SAMMSON: variants seen among roughly 807,000 people sequenced by gnomAD.
The protein encoded by SAMMSON is survival associated mitochondrial melanoma specific oncogenic non-coding RNA.
chr3:70,199,385 A>G (rs1701212775), intron 4 of SAMMSON, among the ~76,000 whole-genome samples: 1 of 152,148 alleles, frequency 6.6e-6, no homozygotes, highest in African/African-American at 2.4e-5. Flanking sequence ...CAAAAGAAAA[A>G]AAAAAGTTTT....
At chr3:70,242,790 G>A (rs1322941103) in intron 4 of SAMMSON, among the ~76,000 whole-genome samples, 1 of 152,122 alleles carries the variant, frequency 6.6e-6, no homozygotes, top group African/African-American at 2.4e-5. Context: ...AGCTTGGAAA[G>A]TTTACACAAG....
intron 7 of SAMMSON, among the ~76,000 whole-genome samples, chr3:70,301,405 T>G (rs1365244537): frequency 6.6e-6 from 1 of 152,090 alleles, no homozygotes; most frequent in Non-Finnish European, 1.5e-5. Flanking sequence ...CTAAAGAGCT[T>G]GTGCTTATCT....
At chr3:70,343,456 G>T (rs184838835) in intron 7 of SAMMSON, among the ~76,000 whole-genome samples, 1 of 152,080 alleles carries the variant, frequency 6.6e-6, no homozygotes, top group Admixed American at 6.5e-5. Context: ...TTCTGGTTAG[G>T]TATTTTGTAG....
chr3:70,432,667 A>C (rs975290927), intron 2 of SAMMSON, among the ~76,000 whole-genome samples: 17 of 152,016 alleles, frequency 1.1e-4, no homozygotes, highest in Admixed American at 1.1e-3. Flanking sequence ...ATTATTGTTA[A>C]ATAAAGTTCA....
chr3:70,215,288 C>T (rs1231044743), intron 4 of SAMMSON, among the ~76,000 whole-genome samples: 1 of 152,042 alleles, frequency 6.6e-6, no homozygotes, highest in African/African-American at 2.4e-5. Flanking sequence ...AGTACTTGAA[C>T]TTACGTCTTC....
chr3:70,035,062 C>G (rs2067080301), intron 3 of SAMMSON, among the ~76,000 whole-genome samples: 1 of 151,980 alleles, frequency 6.6e-6, no homozygotes, highest in Admixed American at 6.6e-5. Context: ...CTCATAAAGC[C>G]CAAATTAGGA....
intron 3 of SAMMSON, among the ~76,000 whole-genome samples, chr3:70,042,961 G>A (rs1576106368): frequency 6.6e-6 from 1 of 152,028 alleles, no homozygotes; most frequent in South Asian, 2.1e-4. Flanking sequence ...GTACTCAATA[G>A]AATAGCATTT....
At chr3:70,087,075 T>G (rs1174413533) in intron 4 of SAMMSON, among the ~76,000 whole-genome samples, 1 of 152,176 alleles carries the variant, frequency 6.6e-6, no homozygotes, top group Non-Finnish European at 1.5e-5. Context: ...CTTCAAGCAA[T>G]CTTTAACTGG....
At chr3:70,264,764 C>A (rs1174419019) in intron 6 of SAMMSON, among the ~76,000 whole-genome samples, 1 of 152,164 alleles carries the variant, frequency 6.6e-6, no homozygotes, top group African/African-American at 2.4e-5. Context: ...TGTGATGAAT[C>A]TCATGATAGG....
At chr3:70,269,335 TA>T (rs1384036802) in intron 6 of SAMMSON, among the ~76,000 whole-genome samples, 1 of 152,208 alleles carries the variant, frequency 6.6e-6, no homozygotes, top group Non-Finnish European at 1.5e-5. Context: ...TAAAGGTTTC[TA>T]TGAATATACT....
At chr3:70,327,429 C>T (rs1702587831) in intron 7 of SAMMSON, among the ~76,000 whole-genome samples, 2 of 152,076 alleles carry the variant, frequency 1.3e-5, no homozygotes, top group African/African-American at 2.4e-5. Context: ...GGTTGGGGAA[C>T]CTAGACAGAG....
At chr3:70,183,107 T>C (rs1701067065) in intron 4 of SAMMSON, among the ~76,000 whole-genome samples, 1 of 152,200 alleles carries the variant, frequency 6.6e-6, no homozygotes, top group Non-Finnish European at 1.5e-5. Flanking sequence ...GCTACAAGCC[T>C]AGGTGCTTCC....
chr3:70,313,687 T>G (rs537889097), intron 7 of SAMMSON, among the ~76,000 whole-genome samples: 4 of 152,272 alleles, frequency 2.6e-5, no homozygotes, highest in African/African-American at 9.6e-5. Flanking sequence ...AATTGTCCAT[T>G]ATCAGATTCC....
chr3:70,043,106 T>C (rs1363366054), intron 3 of SAMMSON, among the ~76,000 whole-genome samples: 1 of 152,088 alleles, frequency 6.6e-6, no homozygotes, highest in African/African-American at 2.4e-5. Context: ...ACAAGGCATA[T>C]CAAAAGTAAT....
chr3:70,362,904 T>A (rs186658666), intron 9 of SAMMSON, among the ~76,000 whole-genome samples: 14 of 151,108 alleles, frequency 9.3e-5, no homozygotes, highest in Admixed American at 2.6e-4. Flanking sequence ...TTAGATGGAG[T>A]TTATCAGGCT....
At chr3:70,235,824 T>C (rs1466364159) in intron 4 of SAMMSON, among the ~76,000 whole-genome samples, 2 of 152,192 alleles carry the variant, frequency 1.3e-5, no homozygotes, top group Non-Finnish European at 2.9e-5. Flanking sequence ...AATTATAGCA[T>C]TGTTTCAAAG....
At chr3:70,124,042 T>A (rs2067445766) in intron 4 of SAMMSON, among the ~76,000 whole-genome samples, 1 of 152,222 alleles carries the variant, frequency 6.6e-6, no homozygotes, top group South Asian at 2.1e-4. Flanking sequence ...GCTTCCTCGC[T>A]GACTAACTGG....
At chr3:70,281,735 A>G (rs1327476102) in intron 6 of SAMMSON, among the ~76,000 whole-genome samples, 2 of 152,132 alleles carry the variant, frequency 1.3e-5, no homozygotes, top group Non-Finnish European at 2.9e-5. Flanking sequence ...CGTCTTTGGA[A>G]TTCCGATAGA....
intron 3 of SAMMSON, among the ~76,000 whole-genome samples, chr3:70,021,212 G>A (rs1194168806): frequency 1.3e-5 from 2 of 152,092 alleles, no homozygotes; most frequent in African/African-American, 2.4e-5. Context: ...CCAGTAACAG[G>A]CCACCAAAAC....
Sources: allele counts gnomAD v4.1 joint callset (sites outside exome capture counted in the v4.1 genomes callset), GRCh38; gene constraint gnomAD v4.1.1; transcripts MANE v1.5; gene names NCBI Gene and HGNC (gene_info 2026-07-23, HGNC 2026-07-21).